FRMD4B: variants seen among roughly 807,000 people sequenced by gnomAD.
FRMD4B encodes FERM domain containing 4B.
A neutral mutation model predicts 141.5 loss-of-function variants in FRMD4B; 74 were observed. The ratio of observed to expected loss-of-function variants is 0.52; its 90% CI spans 0.43 to 0.63. The LOEUF is 0.63. Among genes scored for constraint, FRMD4B ranks in the 30% least tolerant of loss-of-function variants. The pLI, the probability that FRMD4B is intolerant of heterozygous loss-of-function variation, is 0.00. For synonymous variants in FRMD4B, 506 were observed against 467.9 expected, an observed-to-expected ratio of 1.08 and a Z score of -1.05; for missense variants, 1,366 against 1,253.4, an observed-to-expected ratio of 1.09 and a Z score of -1.36.
At chr3:69,451,197 C>T (rs1332684951) in intron 1 of FRMD4B, among the ~76,000 whole-genome samples, 1 of 149,216 alleles carries the variant, frequency 6.7e-6, no homozygotes, top group South Asian at 2.2e-4. Flanking sequence ...GTGGTGATTT[C>T]CAAGTAAAGT....
chr3:69,452,735 C>T lies in FRMD4B; in HGVS notation c.-128-19974G>A, dbSNP rs532223529. Among the ~76,000 whole-genome samples the T allele has an allele frequency of 3.3e-5, 5 of 152,304 alleles. No homozygotes were observed. The South Asian group carries it at 1.0e-3, about 32-fold the overall frequency. On this transcript the variant is annotated intron_variant, in intron 1 of 5. Transcript: ENST00000459638. The stretch of plus-strand genomic sequence containing the variant: ...CAAATAGCAAATTCATAAAGAAGCA[C>T]ATTTCATGTGGCTAGGTCAGGAAGT...
chr3:69,520,539 T>C (rs1700839371), intron 1 of FRMD4B, among the ~76,000 whole-genome samples: 2 of 151,758 alleles, frequency 1.3e-5, no homozygotes, highest in African/African-American at 4.8e-5. Flanking sequence ...CAGGTCTCTC[T>C]CTTTCTATCC....
chr3:69,447,979 T>G (rs1705435143), intron 1 of FRMD4B, among the ~76,000 whole-genome samples: 1 of 152,192 alleles, frequency 6.6e-6, no homozygotes. Flanking sequence ...TTCTTTCCTG[T>G]TTGGATTATC....
At chr3:69,311,490 G>T in intron 2 of FRMD4B, 133 bp from the exon 3 acceptor site, 1 of 588,754 alleles carries the variant, frequency 1.7e-6, no homozygotes, top group Non-Finnish European at 3.1e-6. Flanking sequence ...CCTTGTTTGT[G>T]GATTAGGTTG....
chr3:69,252,861 T>G (rs2106799595), intron 5 of FRMD4B, among the ~76,000 whole-genome samples: 1 of 152,260 alleles, frequency 6.6e-6, no homozygotes, highest in Admixed American at 6.5e-5. Flanking sequence ...CTTCAGTGAG[T>G]TTCCATGACT....
chr3:69,189,355 T>C (rs1399433828), intron 18 of FRMD4B, among the ~76,000 whole-genome samples: 1 of 152,148 alleles, frequency 6.6e-6, no homozygotes, highest in East Asian at 1.9e-4. Context: ...TAACTGTGCC[T>C]TTCTTCCTAA....
intron 20 of FRMD4B, among the ~76,000 whole-genome samples, chr3:69,181,957 C>G (rs1296111874): frequency 6.6e-6 from 1 of 152,010 alleles, no homozygotes; most frequent in Non-Finnish European, 1.5e-5. Flanking sequence ...CAAATCCTTC[C>G]TTGAGGGTAG....
At chr3:69,223,496 CA>C (rs1041939913) in intron 8 of FRMD4B, among the ~76,000 whole-genome samples, 3 of 152,034 alleles carry the variant, frequency 2.0e-5, no homozygotes, top group African/African-American at 7.2e-5. Context: ...GCCTGGGTGA[CA>C]GGGGGAGACT....
intron 5 of FRMD4B, among the ~76,000 whole-genome samples, chr3:69,275,738 T>C (rs2093615154): frequency 6.6e-6 from 1 of 152,082 alleles, no homozygotes; most frequent in South Asian, 2.1e-4. Flanking sequence ...GCCATTTTTA[T>C]TATCTTGATG....
chr3:69,343,571 T>G (rs1185297156), intron 1 of FRMD4B, among the ~76,000 whole-genome samples: 1 of 114,604 alleles, frequency 8.7e-6, no homozygotes, highest in Non-Finnish European at 1.8e-5. Context: ...GTCTTAACAG[T>G]TTTTTGTTTT....
chr3:69,416,076 A>G (rs543541674), intron 2 of FRMD4B, among the ~76,000 whole-genome samples: 2 of 152,350 alleles, frequency 1.3e-5, no homozygotes, highest in East Asian at 1.9e-4. Context: ...TTTGACTGCC[A>G]GGGCATACCA....
rs1027244601 is a variant in FRMD4B, at chr3:69,168,985, G to A, written c.*2876C>T. Among the ~76,000 whole-genome samples, 1 of 128,354 alleles carries A rather than the reference G, an allele frequency of 7.8e-6. No individual in the cohort carries two copies. Among genetic ancestry groups the A allele is most frequent in the African/African-American group, 2.7e-5 (1 of 36,880 alleles). 84.2% of individuals were successfully genotyped at this position (128,354 alleles called of 152,430 possible). On this transcript the variant is annotated 3_prime_UTR_variant, in exon 23 of 23. Coordinates refer to ENST00000398540, the MANE Select transcript of FRMD4B (RefSeq NM_015123.3). ...GATACAGAGGCCCAAGATATATTAG[G>A]CAGAAAACAAAACAAACAAAAAAAA...
intron 7 of FRMD4B, among the ~76,000 whole-genome samples, chr3:69,228,770 G>A (rs1365120044): frequency 6.6e-6 from 1 of 151,708 alleles, no homozygotes; most frequent in African/African-American, 2.4e-5. Flanking sequence ...GGAGTTCAAG[G>A]CTCTAGTGAG....
intron 1 of FRMD4B, among the ~76,000 whole-genome samples, chr3:69,514,686 TTAAATAAATAAA>T (rs58643773): frequency 4.8e-4 from 69 of 143,156 alleles, no homozygotes; most frequent in Middle Eastern, 3.5e-3. Flanking sequence ...AGACTCCATC[TTAAATAAATAAA>T]TAAATAAATA....
At chr3:69,337,088 G>C (rs1254553716) in intron 1 of FRMD4B, among the ~76,000 whole-genome samples, 1 of 152,114 alleles carries the variant, frequency 6.6e-6, no homozygotes, top group African/African-American at 2.4e-5. Context: ...AAACAGCATG[G>C]TACTGGTATC....
intron 1 of FRMD4B, among the ~76,000 whole-genome samples, chr3:69,515,274 A>G (rs1052594431): frequency 6.6e-6 from 1 of 152,142 alleles, no homozygotes; most frequent in African/African-American, 2.4e-5. Context: ...CCATGATCCA[A>G]TCGTCTTCCA....
At chr3:69,177,341 A>C (rs914526322) in intron 21 of FRMD4B, among the ~76,000 whole-genome samples, 1 of 152,164 alleles carries the variant, frequency 6.6e-6, no homozygotes, top group Admixed American at 6.5e-5. Flanking sequence ...TCTGTCTCAA[A>C]ATAAATAAAT....
At chr3:69,477,728 T>G (rs1247660678) in intron 1 of FRMD4B, among the ~76,000 whole-genome samples, 15 of 151,132 alleles carry the variant, frequency 9.9e-5, no homozygotes, top group African/African-American at 2.7e-4. Flanking sequence ...TAAAATGAGT[T>G]AGGGAGGATT....
chr3:69,330,061 A>C (rs1298034715), intron 1 of FRMD4B, among the ~76,000 whole-genome samples: 1 of 152,068 alleles, frequency 6.6e-6, no homozygotes, highest in African/African-American at 2.4e-5. Context: ...CTCTTTTGCC[A>C]CTGGAATGTA....
Sources: allele counts gnomAD v4.1 joint callset (sites outside exome capture counted in the v4.1 genomes callset), GRCh38; gene constraint gnomAD v4.1.1; transcripts MANE v1.5; gene names NCBI Gene and HGNC (gene_info 2026-07-23, HGNC 2026-07-21).